PCDHA8: variants seen among roughly 807,000 people sequenced by gnomAD.
PCDHA8 encodes the protein protocadherin alpha 8.
Under a neutral mutation model 61.8 loss-of-function variants are expected in PCDHA8, and 53 were observed. The observed-to-expected ratio is 0.86, with a 90% CI of 0.69 to 1.08. The LOEUF (loss-of-function observed/expected upper bound fraction) is 1.08. Ranked by LOEUF, PCDHA8 falls within the 50% of genes least tolerant of loss-of-function variation. The probability of loss-of-function intolerance (pLI) is 0.00; values close to 1 mark genes in which losing one functional copy is unlikely to be tolerated. For synonymous variants in PCDHA8, 618 were observed against 556.6 expected (o/e 1.11, Z -1.55); for missense variants, 1,293 against 1,245.0 (o/e 1.04, Z -0.58).
intron 1 of PCDHA8, among the ~76,000 whole-genome samples, chr5:140,948,267 A>G (rs964252489): frequency 1.3e-5 from 2 of 151,646 alleles, no homozygotes. Flanking sequence ...GTGTTCATGT[A>G]GAATATCTGT....
At chr5:140,869,323 C>T in intron 1 of PCDHA8, 1 of 1,613,864 alleles carries the variant, frequency 6.2e-7, no homozygotes, top group South Asian at 1.1e-5. Flanking sequence ...ACATGGGGAC[C>T]TTCTGGAGGT....
chr5:140,843,844 A>G lies in PCDHA8; in HGVS notation c.2394+129A>G, dbSNP rs2150367130. Reference sequence around the variant, plus strand: ...TTTAAACATTGTTTAGTTTTTAGAAACCTTTTATAATTAATTGAATTTTCT... The same window carrying G: ...TTTAAACATTGTTTAGTTTTTAGAAGCCTTTTATAATTAATTGAATTTTCT... On this transcript the variant is annotated intron_variant, in intron 1 of 3. Coordinates refer to ENST00000531613, the MANE Select transcript of PCDHA8 (RefSeq NM_018911.3). 3.0e-6 allele frequency: 3 copies of G among 1,001,290 alleles called. No individual in the cohort carries two copies. The East Asian group carries it at 7.5e-5, about 25-fold the overall frequency. 62.0% of individuals were successfully genotyped at this position (1,001,290 alleles called of 1,614,324 possible). A position where few individuals can be genotyped will look rare whatever the true frequency, so the allele number is the denominator to read the frequency against.
chr5:140,920,277 T>C (rs1275415444), intron 1 of PCDHA8, among the ~76,000 whole-genome samples: 1 of 152,230 alleles, frequency 6.6e-6, no homozygotes, highest in African/African-American at 2.4e-5. Context: ...TTATGTAATC[T>C]TATATTTTTT....
In PCDHA8 at chr5:141,010,844, A is replaced by T. The variant is rs1286149629; in HGVS notation, c.*907A>T. ...TGTTTGTTGTTTCATAGATTTATTT[A>T]AAAAAAGAGAAAGTCTATAGCTATA... On this transcript the variant is annotated 3_prime_UTR_variant, in exon 4 of 4. Coordinates refer to ENST00000531613, the MANE Select transcript of PCDHA8 (RefSeq NM_018911.3). The T allele has an allele frequency of 1.3e-5, 2 of 153,756 alleles. No homozygotes were observed. The highest frequency in any genetic ancestry group is 2.9e-5 in the Non-Finnish European group (2 of 68,056). 9.5% of individuals were successfully genotyped at this position (153,756 alleles called of 1,614,324 possible).
intron 1 of PCDHA8, among the ~76,000 whole-genome samples, chr5:140,899,610 A>G (rs2067438350): frequency 6.6e-6 from 1 of 152,164 alleles, no homozygotes; most frequent in Admixed American, 6.5e-5. Flanking sequence ...TTTTGCATCA[A>G]TGTTCATCAA....
intron 1 of PCDHA8, among the ~76,000 whole-genome samples, chr5:140,954,639 T>A (rs1433862413): frequency 6.6e-6 from 1 of 152,240 alleles, no homozygotes; most frequent in East Asian, 1.9e-4. Flanking sequence ...TCTTGTAAAT[T>A]TGTTTAAGTT....
chr5:140,900,342 A>T (rs965236795), intron 1 of PCDHA8, among the ~76,000 whole-genome samples: 3 of 152,034 alleles, frequency 2.0e-5, no homozygotes, highest in South Asian at 2.1e-4. Context: ...CCGTGGCGCA[A>T]TCTTGGCTCA....
At chr5:140,995,557 A>G (rs1032736761) in intron 3 of PCDHA8, among the ~76,000 whole-genome samples, 2 of 152,252 alleles carry the variant, frequency 1.3e-5, no homozygotes, top group African/African-American at 2.4e-5. Flanking sequence ...ACTGTACTGA[A>G]TAATATGTCA....
At chr5:140,971,643 T>C (rs2096490301) in intron 1 of PCDHA8, among the ~76,000 whole-genome samples, 2 of 152,134 alleles carry the variant, frequency 1.3e-5, no homozygotes, top group African/African-American at 4.8e-5. Flanking sequence ...TGTGCCTACA[T>C]TAAAAGTAGA....
intron 3 of PCDHA8, 57 bp downstream of exon 3, chr5:140,982,620 C>T: frequency 2.5e-6 from 4 of 1,588,470 alleles, no homozygotes. Flanking sequence ...ATCAGATGAC[C>T]TACTTTTGTA....
rs1316558090 is a variant in PCDHA8, at chr5:140,876,786, G to A, written c.2394+33071G>A. 4 of 1,614,114 alleles carry A rather than the reference G, an allele frequency of 2.5e-6. No individual in the cohort carries two copies. In the African/African-American group the frequency reaches 5.3e-5, roughly 22 times the overall value. ...GGGGCTCGCCTTCGCTGTGGGCCAC[G>A]GCTAGAGTGTCCGTGGAGGTGGCCG... is the stretch of plus-strand genomic sequence containing the variant. On this transcript the variant is annotated intron_variant, in intron 1 of 3. Transcript: ENST00000531613.
In PCDHA8 at chr5:140,967,672, C is replaced by G. The variant is rs781956405; in HGVS notation, c.2395-11277C>G. 36 of 1,614,182 alleles carry G rather than the reference C, an allele frequency of 2.2e-5. No individual in the cohort carries two copies. The South Asian group carries it at 3.8e-4, about 17-fold the overall frequency. ...ACTCCTTGAGCAGCTACACGTCGGACCGGGAGAGGCAGCTCTTCAGCATAG... is the reference window on the plus strand; with the variant it reads ...ACTCCTTGAGCAGCTACACGTCGGAGCGGGAGAGGCAGCTCTTCAGCATAG... On this transcript the variant is annotated intron_variant, in intron 1 of 3. Transcript: ENST00000531613.
At chr5:140,846,397 C>T (rs1477353546) in intron 1 of PCDHA8, among the ~76,000 whole-genome samples, 11 of 101,188 alleles carry the variant, frequency 1.1e-4, no homozygotes, top group Non-Finnish European at 1.7e-4. Context: ...TTTTTTGAGA[C>T]GGAGTCTCGC....
At chr5:140,851,660 T>G in intron 1 of PCDHA8, 1 of 914,450 alleles carries the variant, frequency 1.1e-6, no homozygotes, top group African/African-American at 1.8e-5. Flanking sequence ...GACATTCTCC[T>G]TTTAATTGAA....
chr5:140,966,678 C>T, intron 1 of PCDHA8: 5 of 1,313,350 alleles, frequency 3.8e-6, no homozygotes, highest in South Asian at 3.6e-5. Context: ...CAGGGTGGCA[C>T]GAGCGGAGGC....
chr5:140,887,857 G>A lies in PCDHA8; in HGVS notation c.2394+44142G>A, dbSNP rs139840938. Among the ~76,000 whole-genome samples the A allele has an allele frequency of 2.6e-3, 395 of 152,084 alleles. 2 individuals carry two copies. The highest frequency in any genetic ancestry group is 9.3e-3 in the African/African-American group (384 of 41,488). ...TATCTTTTATTGACATATTTTCCAAGTTCACTAATTTTTCCTTTTGTAGTA... is the reference window on the plus strand; with the variant it reads ...TATCTTTTATTGACATATTTTCCAAATTCACTAATTTTTCCTTTTGTAGTA... On this transcript the variant is annotated intron_variant, in intron 1 of 3. Coordinates refer to ENST00000531613, the MANE Select transcript of PCDHA8 (RefSeq NM_018911.3).
At chr5:140,904,113 G>C (rs1051705657) in intron 1 of PCDHA8, among the ~76,000 whole-genome samples, 4 of 152,248 alleles carry the variant, frequency 2.6e-5, no homozygotes, top group African/African-American at 9.6e-5. Context: ...TCATTGCTGA[G>C]ATTTTGGTGC....
At chr5:140,845,489 T>C (rs1779894647) in intron 1 of PCDHA8, among the ~76,000 whole-genome samples, 1 of 149,700 alleles carries the variant, frequency 6.7e-6, no homozygotes, top group Non-Finnish European at 1.5e-5. Context: ...GCTTTCACAG[T>C]GAGAAAGTCT....
chr5:140,883,151 A>G (rs1317370821), intron 1 of PCDHA8: 1 of 1,613,978 alleles, frequency 6.2e-7, no homozygotes, highest in Non-Finnish European at 8.5e-7. Flanking sequence ...TGCATTTACC[A>G]TAAATCCGAA....
Sources: allele counts gnomAD v4.1 joint callset (sites outside exome capture counted in the v4.1 genomes callset), GRCh38; gene constraint gnomAD v4.1.1; transcripts MANE v1.5; gene names NCBI Gene and HGNC (gene_info 2026-07-23, HGNC 2026-07-21).